The following CLYBL variants were observed in gnomAD, a reference collection of about 807,000 sequenced individuals.
CLYBL encodes the protein citramalyl-CoA lyase.
In CLYBL, 31 loss-of-function variants were observed where a neutral mutation model predicts 38.9. The ratio of observed to expected loss-of-function variants is 0.80; its 90% CI spans 0.60 to 1.08. CLYBL has a LOEUF of 1.08. Among genes scored for constraint, CLYBL ranks in the 50% least tolerant of loss-of-function variants. CLYBL has a pLI of 0.00. For synonymous variants in CLYBL, 171 were observed against 158.6 expected (o/e 1.08, Z -0.59); for missense variants, 434 against 411.6 (o/e 1.05, Z -0.47).
At chr13:99,838,325 C>A (rs1167274526) in intron 2 of CLYBL, among the ~76,000 whole-genome samples, 1 of 152,122 alleles carries the variant, frequency 6.6e-6, no homozygotes, top group African/African-American at 2.4e-5. Context: ...AAGTGAGTAT[C>A]TCTACTGTTT....
downstream of CLYBL, among the ~76,000 whole-genome samples, chr13:99,899,165 C>A (rs1482569937): frequency 1.3e-5 from 2 of 152,230 alleles, no homozygotes; most frequent in African/African-American, 4.8e-5. Context: ...AGATGCGCCA[C>A]TTCCAGGATC....
At chr13:99,822,353 G>A (rs2050604639) in intron 2 of CLYBL, among the ~76,000 whole-genome samples, 1 of 152,218 alleles carries the variant, frequency 6.6e-6, no homozygotes, top group South Asian at 2.1e-4. Flanking sequence ...GTGGCTGGGA[G>A]GCTTAAAACT....
intron 2 of CLYBL, among the ~76,000 whole-genome samples, chr13:99,853,926 C>G (rs1300509257): frequency 6.6e-6 from 1 of 152,102 alleles, no homozygotes; most frequent in African/African-American, 2.4e-5. Context: ...AAATTTGGAC[C>G]ACTTCATGCC....
At chr13:99,616,167 T>A (rs113379239) in intron 1 of CLYBL, among the ~76,000 whole-genome samples, 3,242 of 103,322 alleles carry the variant, frequency 0.031, 58 homozygotes, top group Middle Eastern at 0.12. Context: ...TTTTTTTTTT[T>A]AAGACTGGTG....
At chr13:99,854,619 ATGT>A (rs2051413361) in intron 2 of CLYBL, among the ~76,000 whole-genome samples, 1 of 152,044 alleles carries the variant, frequency 6.6e-6, no homozygotes. Flanking sequence ...AAGTGGACGG[ATGT>A]TGTTTTCTTT....
intron 1 of CLYBL, among the ~76,000 whole-genome samples, chr13:99,671,177 C>T (rs2047559974): frequency 6.6e-6 from 1 of 152,208 alleles, no homozygotes; most frequent in Non-Finnish European, 1.5e-5. Context: ...TAAAGCCTTC[C>T]CTACCATCCT....
At chr13:99,770,080 C>CTTTTTTTTTTTTTTTTTTTTTTT (rs3033589) in intron 1 of CLYBL, among the ~76,000 whole-genome samples, 1 of 103,182 alleles carries the variant, frequency 9.7e-6, no homozygotes, top group Non-Finnish European at 1.9e-5. Flanking sequence ...TCTTTTCTTT[C>CTTTTTTTTTTTTTTTTTTTTTTT]TTTTTTTTTT....
intron 2 of CLYBL, among the ~76,000 whole-genome samples, chr13:99,836,237 C>T (rs997600866): frequency 3.3e-5 from 5 of 152,124 alleles, no homozygotes; most frequent in South Asian, 2.1e-4. Flanking sequence ...GTTGGTGAGG[C>T]GAAGGAGGAC....
rs1212837210 is a variant in CLYBL at position 99,648,945 on chromosome 13, TCCCCA to T, written c.62+42189_62+42193del. Among the ~76,000 whole-genome samples the T allele has an allele frequency of 7.5e-3, 1,138 of 152,038 alleles. 14 individuals carry two copies. Among genetic ancestry groups the T allele is most frequent in the African/African-American group, 0.026 (1,069 of 41,454 alleles). On this transcript the variant is annotated intron_variant, in intron 1 of 8. Transcript: ENST00000339105. Reference sequence around the variant, plus strand: ...ATATTTCATTCATACATTTAACCCATCCCCAAAATTTTCTTAAAAAACTTAATAAT... The same window carrying T: ...ATATTTCATTCATACATTTAACCCATAAATTTTCTTAAAAAACTTAATAAT...
downstream of CLYBL, chr13:99,893,133 T>A (rs2052524752): frequency 6.6e-6 from 1 of 152,346 alleles, no homozygotes; most frequent in Non-Finnish European, 1.5e-5. Context: ...CACGCTGGGC[T>A]GCCCCAGAGC....
chr13:99,815,633 C>A (rs2050430446), intron 2 of CLYBL, among the ~76,000 whole-genome samples: 1 of 152,122 alleles, frequency 6.6e-6, no homozygotes, highest in African/African-American at 2.4e-5. Context: ...GGCCTGTAAT[C>A]CCAATACTTT....
chr13:99,870,835 A>T lies in CLYBL; in HGVS notation c.803-103A>T, dbSNP rs553862164. ...TAAAAAGTTTTAAATTAGTTATTTA[A>T]CATACAGTCTATGAGGCCTTCAGGA... On this transcript the variant is annotated intron_variant, in intron 6 of 8. Transcript: ENST00000339105. 2.8e-5 allele frequency: 33 copies of T among 1,171,062 alleles called. No homozygotes were observed. In the African/African-American group the frequency reaches 4.7e-4, roughly 17 times the overall value. The allele number at this position is 1,171,062 out of a possible 1,614,324, so 72.5% of individuals were successfully genotyped here.
intron 1 of CLYBL, among the ~76,000 whole-genome samples, chr13:99,669,754 A>C (rs2047537298): frequency 1.3e-5 from 2 of 152,276 alleles, no homozygotes; most frequent in Middle Eastern, 3.4e-3. Context: ...CATATATCTC[A>C]TGATTAGTGA....
chr13:99,835,082 G>C lies in CLYBL; in HGVS notation c.250-23779G>C, dbSNP rs572944141. Among the ~76,000 whole-genome samples, 12 of 152,306 alleles carry C rather than the reference G, an allele frequency of 7.9e-5. No individual in the cohort carries two copies. In the South Asian group the frequency reaches 2.3e-3, roughly 29 times the overall value. On this transcript the variant is annotated intron_variant, in intron 2 of 8. Transcript: ENST00000339105. ...CAAGTAGTGCCAAAGCCCAGAGCCT[G>C]TCTCTCTGTGGTTACCTCTTTCCAG...
At chr13:99,841,812 CTTTTTTT>C (rs67827288) in intron 2 of CLYBL, among the ~76,000 whole-genome samples, 6 of 105,394 alleles carry the variant, frequency 5.7e-5, no homozygotes, top group Admixed American at 1.0e-4. Flanking sequence ...TTTTCTTTTC[CTTTTTTT>C]TTTTTTTTTT....
In CLYBL at chr13:99,636,307, A is replaced by T. The variant is rs536714612; in HGVS notation, c.62+29550A>T. Among the ~76,000 whole-genome samples, 5 of 152,350 alleles carry T rather than the reference A, an allele frequency of 3.3e-5. No homozygotes were observed. In the East Asian group the frequency reaches 9.6e-4, roughly 29 times the overall value. ...ATCATTAAATGTATGCATAAATAGA[A>T]TTATTAATGTTTACCAAGGTCTTAA... On this transcript the variant is annotated intron_variant, in intron 1 of 8. Transcript: ENST00000339105.
At chr13:99,803,731 G>A (rs1594192771) in intron 2 of CLYBL, among the ~76,000 whole-genome samples, 3 of 152,162 alleles carry the variant, frequency 2.0e-5, no homozygotes, top group Admixed American at 6.5e-5. Flanking sequence ...TTGATCTGGG[G>A]GGTCCAGTGG....
At chr13:99,762,348 G>T (rs79434565) in intron 1 of CLYBL, among the ~76,000 whole-genome samples, 1 of 152,252 alleles carries the variant, frequency 6.6e-6, no homozygotes, top group African/African-American at 2.4e-5. Flanking sequence ...TTTGTGTATG[G>T]TGAGAGATAG....
chr13:99,901,641 TTTTG>T (rs1179481169), downstream of CLYBL, among the ~76,000 whole-genome samples: 4 of 30,612 alleles, frequency 1.3e-4, no homozygotes, highest in Admixed American at 7.1e-4. Context: ...TTTTGGATTT[TTTTG>T]TTTTTTTTTT....
Sources: gnomAD v4.1 joint callset for allele counts (sites outside exome capture counted in the v4.1 genomes callset) on GRCh38, gnomAD v4.1.1 for gene constraint, MANE v1.5 for transcripts, NCBI Gene and HGNC (gene_info 2026-07-23, HGNC 2026-07-21) for gene names.